TDRD1: variants seen among roughly 807,000 people sequenced by gnomAD.
TDRD1 encodes tudor domain-containing protein 1.
A neutral mutation model predicts 140.6 loss-of-function variants in TDRD1; 37 were observed. The ratio of observed to expected loss-of-function variants is 0.26; its 90% CI spans 0.20 to 0.35. The LOEUF (loss-of-function observed/expected upper bound fraction) is 0.35, where lower values mean the gene tolerates loss of function less well. TDRD1 is among the 10% of genes least tolerant of loss of function. The pLI, the probability that TDRD1 is intolerant of heterozygous loss-of-function variation, is 1.00. For synonymous variants in TDRD1, 506 were observed against 475.7 expected (o/e 1.06, Z -0.83); for missense variants, 1,243 against 1,393.0 (o/e 0.89, Z 1.71).
intron 2 of TDRD1, 64 bp downstream of exon 2, chr10:114,188,220 A>G: frequency 2.1e-6 from 3 of 1,411,122 alleles, no homozygotes; most frequent in East Asian, 2.3e-5. Context: ...TACCAGAAGT[A>G]TATATAACCA....
intron 3 of TDRD1, among the ~76,000 whole-genome samples, chr10:114,192,292 C>CTTTTTTTTTTTTTTTTTTTTTTTTTT (rs938140798): frequency 2.7e-5 from 2 of 75,112 alleles, no homozygotes; most frequent in Non-Finnish European, 5.1e-5. Flanking sequence ...GATAGTTTTC[C>CTTTTTTTTTTTTTTTTTTTTTTTTTT]TTTTTTTTTT....
At chr10:114,222,189 A>G (rs990476642) in intron 20 of TDRD1, among the ~76,000 whole-genome samples, 1 of 152,198 alleles carries the variant, frequency 6.6e-6, no homozygotes, top group Non-Finnish European at 1.5e-5. Context: ...GGGTTATTTG[A>G]TCCTGACAAC....
chr10:114,197,941 C>G (rs549882783), intron 3 of TDRD1, among the ~76,000 whole-genome samples: 6 of 152,304 alleles, frequency 3.9e-5, no homozygotes, highest in African/African-American at 1.4e-4. Context: ...CAGGCGTGAG[C>G]CACCACACCC....
intron 3 of TDRD1, among the ~76,000 whole-genome samples, chr10:114,191,690 C>G (rs1456938893): frequency 6.6e-6 from 1 of 152,152 alleles, no homozygotes; most frequent in African/African-American, 2.4e-5. Flanking sequence ...CATTTATGTA[C>G]AGAATTTTAT....
At chr10:114,191,739 G>A (rs1335326420) in intron 3 of TDRD1, among the ~76,000 whole-genome samples, 1 of 152,140 alleles carries the variant, frequency 6.6e-6, no homozygotes, top group Admixed American at 6.5e-5. Flanking sequence ...GATGTCCAGG[G>A]TACAATTTCT....
intron 3 of TDRD1, among the ~76,000 whole-genome samples, chr10:114,196,763 T>C (rs1481620466): frequency 6.6e-6 from 1 of 150,594 alleles, no homozygotes; most frequent in African/African-American, 2.4e-5. Context: ...CTCAGTTTAC[T>C]CTGGGGCTCA....
chr10:114,227,920 T>A lies in TDRD1; in HGVS notation c.3414T>A (p.Tyr1138Ter), dbSNP rs1172478367. 1 of 1,613,502 alleles carries A rather than the reference T, an allele frequency of 6.2e-7. No individual in the cohort carries two copies. The highest frequency in any genetic ancestry group is 2.2e-5 in the East Asian group (1 of 44,870). The change falls in exon 24 of 26, where the codon TAT (tyrosine) becomes TAA (stop). Residue 1138 changes from tyrosine to a stop codon, truncating the protein, a stop_gained. Transcript: ENST00000251864. LOFTEE classifies it high-confidence loss of function. ...TTCTTGTGCTTTTAGAAAAGATGTATAGGATGAATTGCTGCTGCACAGAGT... is the reference window on the plus strand; with the variant it reads ...TTCTTGTGCTTTTAGAAAAGATGTAAAGGATGAATTGCTGCTGCACAGAGT...
At chr10:114,222,831 C>T in intron 21 of TDRD1, 128 bp downstream of exon 21, 2 of 582,748 alleles carry the variant, frequency 3.4e-6, no homozygotes, top group Non-Finnish European at 6.1e-6. Context: ...TTAAGGAAGG[C>T]AGTGTTGTGG....
intron 16 of TDRD1, 50 bp from the exon 17 acceptor site, chr10:114,217,495 G>A (rs2133120070): frequency 9.6e-7 from 1 of 1,043,458 alleles, no homozygotes; most frequent in East Asian, 2.6e-5. Context: ...AATCTGTGTT[G>A]TTTATTTTTT....
At chr10:114,221,306 A>C (rs768113537) in intron 19 of TDRD1, 51 bp from the exon 20 acceptor site, 12 of 1,565,942 alleles carry the variant, frequency 7.7e-6, no homozygotes, top group Non-Finnish European at 9.6e-6. Flanking sequence ...GAGGAAAACA[A>C]CAGTACATTT....
intron 25 of TDRD1, among the ~76,000 whole-genome samples, chr10:114,230,527 C>T (rs1482765157): frequency 6.6e-6 from 1 of 152,136 alleles, no homozygotes; most frequent in Non-Finnish European, 1.5e-5. Context: ...ACATGACTGT[C>T]CAAAATCACA....
chr10:114,207,849 C>T (rs1414180361), intron 11 of TDRD1, among the ~76,000 whole-genome samples: 2 of 151,950 alleles, frequency 1.3e-5, no homozygotes, highest in African/African-American at 2.4e-5. Flanking sequence ...ATATCTTCTT[C>T]GCTAAGGCAC....
At chr10:114,223,348 A>G (rs527847725) in intron 21 of TDRD1, among the ~76,000 whole-genome samples, 2 of 152,296 alleles carry the variant, frequency 1.3e-5, no homozygotes, top group East Asian at 3.9e-4. Context: ...GGCTGCTTTC[A>G]GTCAATAGCT....
At chr10:114,191,603 A>G (rs1444107681) in intron 3 of TDRD1, among the ~76,000 whole-genome samples, 2 of 152,182 alleles carry the variant, frequency 1.3e-5, no homozygotes, top group Non-Finnish European at 2.9e-5. Flanking sequence ...GGTATGGACA[A>G]CTTGTTTAAC....
chr10:114,183,025 C>G (rs2033215621), intron 1 of TDRD1, among the ~76,000 whole-genome samples: 1 of 152,146 alleles, frequency 6.6e-6, no homozygotes, highest in Non-Finnish European at 1.5e-5. Context: ...CTATAAAGCA[C>G]CATGGTGGAT....
chr10:114,193,151 C>T (rs899002826), intron 3 of TDRD1, among the ~76,000 whole-genome samples: 13 of 152,152 alleles, frequency 8.5e-5, no homozygotes, highest in African/African-American at 3.1e-4. Context: ...GCATGTTTTG[C>T]TCAATTTACA....
intron 11 of TDRD1, 129 bp from the exon 12 acceptor site, chr10:114,210,452 C>T: frequency 3.4e-6 from 3 of 894,370 alleles, no homozygotes; most frequent in Non-Finnish European, 4.9e-6. Context: ...CATGACCTCT[C>T]AGACTGCCAT....
chr10:114,207,958 A>G (rs1296519846), intron 11 of TDRD1, among the ~76,000 whole-genome samples: 3 of 152,088 alleles, frequency 2.0e-5, no homozygotes, highest in African/African-American at 7.2e-5. Flanking sequence ...GCAGGGTGCA[A>G]CGGAAGCAGG....
At chr10:114,202,868 A>G (rs1455026560) in intron 6 of TDRD1, among the ~76,000 whole-genome samples, 1 of 152,118 alleles carries the variant, frequency 6.6e-6, no homozygotes, top group Non-Finnish European at 1.5e-5. Context: ...ACGTGGCCTT[A>G]TTCTTGGGTT....
Sources: allele counts gnomAD v4.1 joint callset (sites outside exome capture counted in the v4.1 genomes callset), GRCh38; gene constraint gnomAD v4.1.1; transcripts MANE v1.5; gene names NCBI Gene and HGNC (gene_info 2026-07-23, HGNC 2026-07-21).